The following FMNL3 variants were observed in gnomAD, a reference collection of about 807,000 sequenced individuals.
FMNL3 encodes the protein formin-like protein 3.
FMNL3 carries 57 observed loss-of-function variants against 119.6 expected under a neutral mutation model. That is an observed-to-expected ratio of 0.48 (90% confidence interval 0.39 to 0.59). The LOEUF (loss-of-function observed/expected upper bound fraction) is 0.59, where lower values mean the gene tolerates loss of function less well. FMNL3 is among the 20% of genes least tolerant of loss of function. The pLI is 0.00. For synonymous variants in FMNL3, 491 were observed against 507.3 expected, an observed-to-expected ratio of 0.97 and a Z score of 0.43; for missense variants, 1,053 against 1,323.5, an observed-to-expected ratio of 0.80 and a Z score of 3.17.
chr12:49,637,433 G>C lies in FMNL3; in HGVS notation c.*8382C>G. ...CCTCAGTCTGTGGCTCTGCCTCCCT[G>C]TCTCACTCTCCCTATAACTGGCCTC... On this transcript the variant is annotated 3_prime_UTR_variant, in exon 26 of 26. Transcript: ENST00000335154. 2 of 1,467,690 alleles carry C rather than the reference G, an allele frequency of 1.4e-6. No homozygotes were observed. The highest frequency in any genetic ancestry group is 1.1e-5 in the South Asian group (1 of 87,852). The allele number at this position is 1,467,690 out of a possible 1,614,324, so 90.9% of individuals were successfully genotyped here.
At chr12:49,661,019 C>G (rs565526027) in intron 5 of FMNL3, among the ~76,000 whole-genome samples, 10 of 152,100 alleles carry the variant, frequency 6.6e-5, no homozygotes, top group Non-Finnish European at 1.0e-4. Flanking sequence ...TTTCCTGGGA[C>G]GCTGGGGAAA....
At position 49,651,437 on chromosome 12, in the gene FMNL3, T is replaced by TG; in HGVS notation, c.1616dup (p.Ala540SerfsTer23). ...GTGCAGCACCAGGGAGAGGTGGGGCTGGGGGACACTTGTCTGGGGGAAGAA... is the reference window on the plus strand; with the variant it reads ...GTGCAGCACCAGGGAGAGGTGGGGCTGGGGGGACACTTGTCTGGGGGAAGAA... On this transcript the variant is annotated frameshift_variant, in exon 15 of 26. Coordinates refer to ENST00000335154, the MANE Select transcript of FMNL3 (RefSeq NM_175736.5). LOFTEE classifies it high-confidence loss of function. The TG allele has an allele frequency of 4.7e-6, 7 of 1,481,288 alleles. No individual in the cohort carries two copies. The highest frequency in any genetic ancestry group is 6.3e-6 in the Non-Finnish European group (7 of 1,112,026). The allele number at this position is 1,481,288 out of a possible 1,614,324, so 91.8% of individuals were successfully genotyped here.
intron 1 of FMNL3, among the ~76,000 whole-genome samples, chr12:49,697,086 C>T (rs1242120268): frequency 6.6e-6 from 1 of 152,160 alleles, no homozygotes; most frequent in Non-Finnish European, 1.5e-5. Context: ...GAATCTGTTA[C>T]CCAAAAGATT....
chr12:49,649,083 G>T lies in FMNL3; in HGVS notation c.2461C>A (p.Pro821Thr). The part of the protein sequence containing the change: ...FIALTVKEKY[P>T]DLANFWHELH... Reference sequence around the variant, plus strand: ...TCATGCCAGAAGTTAGCCAGGTCTGGGTATTTCTCCTTCACTGTCAAGGCG... The same window carrying T: ...TCATGCCAGAAGTTAGCCAGGTCTGTGTATTTCTCCTTCACTGTCAAGGCG... Residue 821 changes from proline to threonine, a missense_variant, in exon 21 of 26, where the codon CCA becomes ACA. Transcript: ENST00000335154. This position sits in a 1 kb window ranked among gnomAD's most constrained non-coding sequence, Gnocchi z 5.6. 1 of 1,613,456 alleles carries T rather than the reference G, an allele frequency of 6.2e-7. No homozygotes were observed. The highest frequency in any genetic ancestry group is 8.5e-7 in the Non-Finnish European group (1 of 1,179,612).
In FMNL3 at chr12:49,643,583, T is replaced by G; in HGVS notation, c.*2232A>C. Reference sequence around the variant, plus strand: ...GAAGGAAAACTGGACTTAGACTTCCTCAGAGCATGAGGTTCCTGCCTGTGA... The same window carrying G: ...GAAGGAAAACTGGACTTAGACTTCCGCAGAGCATGAGGTTCCTGCCTGTGA... On this transcript the variant is annotated 3_prime_UTR_variant, in exon 26 of 26. Coordinates refer to ENST00000335154, the MANE Select transcript of FMNL3 (RefSeq NM_175736.5). The G allele has an allele frequency of 7.1e-7, 1 of 1,399,632 alleles. No individual in the cohort carries two copies. Among genetic ancestry groups the G allele is most frequent in the South Asian group, 1.4e-5 (1 of 72,302 alleles). The allele number at this position is 1,399,632 out of a possible 1,614,324, so 86.7% of individuals were successfully genotyped here.
intron 2 of FMNL3, among the ~76,000 whole-genome samples, chr12:49,668,098 A>C (rs1433749532): frequency 6.6e-6 from 1 of 152,224 alleles, no homozygotes; most frequent in East Asian, 1.9e-4. Flanking sequence ...GCCCTGAGAT[A>C]ATGAGAAAGA....
intron 1 of FMNL3, 108 bp from the exon 2 acceptor site, chr12:49,668,662 G>A (rs1943956839): frequency 1.1e-6 from 1 of 885,140 alleles, no homozygotes; most frequent in Non-Finnish European, 1.8e-6. Flanking sequence ...ACTTCACCCT[G>A]ACACTCCATC....
chr12:49,680,121 G>C (rs1944298486), intron 1 of FMNL3, among the ~76,000 whole-genome samples: 1 of 152,196 alleles, frequency 6.6e-6, no homozygotes, highest in Non-Finnish European at 1.5e-5. Context: ...AAGCTTAATA[G>C]ATAGATACTC....
At chr12:49,681,911 G>A (rs1391263532) in intron 1 of FMNL3, among the ~76,000 whole-genome samples, 4 of 151,900 alleles carry the variant, frequency 2.6e-5, no homozygotes, top group Non-Finnish European at 5.9e-5. Flanking sequence ...ACAAAATATG[G>A]ATAATATCTG....
chr12:49,687,645 A>G (rs1473989373), intron 1 of FMNL3, among the ~76,000 whole-genome samples: 4 of 152,228 alleles, frequency 2.6e-5, no homozygotes, highest in Admixed American at 6.5e-5. Context: ...TGTGAATGCT[A>G]TGAGACTGGC....
intron 1 of FMNL3, among the ~76,000 whole-genome samples, chr12:49,694,349 G>T (rs1565897010): frequency 6.6e-6 from 1 of 152,194 alleles, no homozygotes; most frequent in African/African-American, 2.4e-5. Flanking sequence ...TTTAAGCAAG[G>T]AGTGGACAAT....
Position 49,645,465 on chromosome 12 carries a change from A to T in FMNL3, c.*350T>A, listed in dbSNP as rs1943142556. On this transcript the variant is annotated 3_prime_UTR_variant, in exon 26 of 26. Coordinates refer to ENST00000335154, the MANE Select transcript of FMNL3 (RefSeq NM_175736.5). ...GCAAAAAGGAAGGGAAAAAAAAAGA[A>T]AGAACAGTTGCTCTCTCCTCTCATC... 2 of 223,286 alleles carry T rather than the reference A, an allele frequency of 9.0e-6. No homozygotes were observed. Among genetic ancestry groups the T allele is most frequent in the Non-Finnish European group, 1.7e-5 (2 of 114,448 alleles). 13.8% of individuals were successfully genotyped at this position (223,286 alleles called of 1,614,324 possible).
intron 4 of FMNL3, 28 bp from the exon 5 acceptor site, chr12:49,662,077 G>T: frequency 6.2e-7 from 1 of 1,611,586 alleles, no homozygotes; most frequent in Non-Finnish European, 8.5e-7. Flanking sequence ...ACAGTGGAAG[G>T]GGTCTGCTAA....
Position 49,645,120 on chromosome 12 carries a change from A to AAAC in FMNL3, c.*694_*695insGTT, listed in dbSNP as rs1565860518. 6.6e-6 allele frequency: 1 copy of AAAC among 151,718 alleles called. No individual in the cohort carries two copies. The highest frequency in any genetic ancestry group is 2.4e-5 in the African/African-American group (1 of 41,284). The allele number at this position is 151,718 out of a possible 1,614,324, so 9.4% of individuals were successfully genotyped here. A position where few individuals can be genotyped will look rare whatever the true frequency, so the allele number is the denominator to read the frequency against. On this transcript the variant is annotated 3_prime_UTR_variant, in exon 26 of 26. Transcript: ENST00000335154. ...GTCCCCTGCCAAAAAAAAAAAAAAA[A>AAAC]AAAAAAAAACCGTAGCTGAGGAAAG...
At position 49,691,060 on chromosome 12, in the gene FMNL3, A is replaced by C. The variant is rs900297726; in HGVS notation, c.126+15995T>G. On this transcript the variant is annotated intron_variant, in intron 1 of 25. Transcript: ENST00000335154. ...TGTCTGAAAAGCAACAACAAAAAAAACTGGGCTTTGGCATCAGGCTGCTTG... is the reference window on the plus strand; with the variant it reads ...TGTCTGAAAAGCAACAACAAAAAAACCTGGGCTTTGGCATCAGGCTGCTTG... Among the ~76,000 whole-genome samples the C allele has an allele frequency of 4.6e-5, 7 of 152,168 alleles. No homozygotes were observed. The South Asian group carries it at 1.4e-3, about 32-fold the overall frequency.
chr12:49,643,917 G>A lies in FMNL3; in HGVS notation c.*1898C>T. On this transcript the variant is annotated 3_prime_UTR_variant, in exon 26 of 26. Coordinates refer to ENST00000335154, the MANE Select transcript of FMNL3 (RefSeq NM_175736.5). Reference sequence around the variant, plus strand: ...AGAAAGCTGGCAAGGAGAGCGATGAGAAAGAACAAGAACAGGACAAGGACA... The same window carrying A: ...AGAAAGCTGGCAAGGAGAGCGATGAAAAAGAACAAGAACAGGACAAGGACA... 1 of 1,614,194 alleles carries A rather than the reference G, an allele frequency of 6.2e-7. No individual in the cohort carries two copies. Among genetic ancestry groups the A allele is most frequent in the Non-Finnish European group, 8.5e-7 (1 of 1,180,022 alleles).
chr12:49,700,409 A>AG (rs1217047579), intron 1 of FMNL3, among the ~76,000 whole-genome samples: 2,849 of 148,458 alleles, frequency 0.019, 115 homozygotes, highest in African/African-American at 0.068. Context: ...AAAAAAAAAA[A>AG]AGAGATTTTA....
intron 1 of FMNL3, among the ~76,000 whole-genome samples, chr12:49,678,700 C>T (rs940133261): frequency 6.6e-6 from 1 of 151,984 alleles, no homozygotes; most frequent in Non-Finnish European, 1.5e-5. Flanking sequence ...TGGACTCAAG[C>T]GATCCACCCA....
chr12:49,648,436 C>A, intron 21 of FMNL3, 83 bp from the exon 22 acceptor site: 1 of 1,450,286 alleles, frequency 6.9e-7, no homozygotes, highest in South Asian at 1.4e-5. Context: ...AACTCTGGCC[C>A]TCCCCCTCAG....
Sources: allele counts gnomAD v4.1 joint callset (sites outside exome capture counted in the v4.1 genomes callset), GRCh38; gene constraint gnomAD v4.1.1; non-coding constraint Gnocchi (gnomAD v3.1); transcripts MANE v1.5; gene names NCBI Gene and HGNC (gene_info 2026-07-23, HGNC 2026-07-21).